Variants in MPG observed in about 807,000 individuals in gnomAD.
MPG encodes DNA-3-methyladenine glycosylase.
Under a neutral mutation model 31.7 loss-of-function variants are expected in MPG, and 33 were observed. The observed-to-expected ratio is 1.04, with a 90% CI of 0.79 to 1.39. The LOEUF (loss-of-function observed/expected upper bound fraction) is 1.39, where lower values mean the gene tolerates loss of function less well. Among genes scored for constraint, MPG ranks in the 40% most tolerant of loss-of-function variants. The pLI, the probability that MPG is intolerant of heterozygous loss-of-function variation, is 0.00. For missense variants in MPG, 455 were observed against 415.5 expected, an observed-to-expected ratio of 1.10 and a Z score of -0.83; for synonymous variants, 202 against 169.2, an observed-to-expected ratio of 1.19 and a Z score of -1.51.
At chr16:81,476 C>T (rs1898233443) in intron 2 of MPG, among the ~76,000 whole-genome samples, 1 of 152,186 alleles carries the variant, frequency 6.6e-6, no homozygotes, top group South Asian at 2.1e-4. Flanking sequence ...CAGGGCCACC[C>T]TTTCTCCCCT....
chr16:79,679 G>A lies in MPG; in HGVS notation c.279G>A (p.Leu93=). Residue 93 remains leucine, a synonymous_variant, in exon 2 of 4, where the codon CTG becomes CTA. Coordinates refer to ENST00000356432, the MANE Select transcript of MPG (RefSeq NM_001015052.3). ...TCTTCGACCAGCCGGCAGTCCCCCT[G>A]GCCCGGGCATTTCTGGGACAGGTAA... is the stretch of plus-strand genomic sequence containing the variant. The part of the protein sequence containing the change: ...LEFFDQPAVP[L]ARAFLGQVLV... The A allele has an allele frequency of 6.4e-7, 1 of 1,563,034 alleles. No individual in the cohort carries two copies. The highest frequency in any genetic ancestry group is 2.4e-5 in the East Asian group (1 of 41,900).
intron 2 of MPG, among the ~76,000 whole-genome samples, chr16:82,256 GC>G (rs1285378884): frequency 6.7e-6 from 1 of 150,360 alleles, no homozygotes; most frequent in African/African-American, 2.4e-5. Context: ...TGCTCCCCCG[GC>G]GAGCATCTAA....
chr16:78,936 G>A (rs893344370), intron 1 of MPG, among the ~76,000 whole-genome samples: 1 of 152,216 alleles, frequency 6.6e-6, no homozygotes, highest in African/African-American at 2.4e-5. Context: ...TGAGCACGCG[G>A]TGGTCACCCC....
chr16:78,251 C>A lies in MPG; in HGVS notation c.-59C>A. 1.5e-6 allele frequency: 2 copies of A among 1,362,660 alleles called. No homozygotes were observed. Among genetic ancestry groups the A allele is most frequent in the Non-Finnish European group, 1.9e-6 (2 of 1,052,576 alleles). 84.4% of individuals were successfully genotyped at this position (1,362,660 alleles called of 1,614,324 possible). On this transcript the variant is annotated 5_prime_UTR_variant, in exon 1 of 4. Transcript: ENST00000356432. ...GTCCTAGGGGTGCTTCCGTGGTCGG[C>A]GGCTGCTGGGCTCCGCGCCGGGGTC...
intron 2 of MPG, among the ~76,000 whole-genome samples, chr16:80,830 T>C (rs948954747): frequency 4.6e-5 from 7 of 151,950 alleles, no homozygotes; most frequent in Non-Finnish European, 1.0e-4. Context: ...AAAAATACAA[T>C]GGGCATTTGT....
chr16:79,424 G>T lies in MPG; in HGVS notation c.25-1G>T, dbSNP rs146600185. On this transcript the variant is annotated splice_acceptor_variant, in intron 1 of 3. Transcript: ENST00000356432. LOFTEE classifies it high-confidence loss of function. ...CTTATTTATTTTTTTTCCCATTACA[G>T]TTTTGCCGACGGATGGGGCAAAAGA... 6.9e-4 allele frequency: 1,114 copies of T among 1,613,386 alleles called. 6 individuals are homozygous for T. Among genetic ancestry groups the T allele is most frequent in the Non-Finnish European group, 3.8e-4 (447 of 1,179,982 alleles).
In MPG at chr16:84,057, G is replaced by A. The variant is rs189026624; in HGVS notation, c.505+801G>A. ...GTTCTGTGTGAAGGAGCCAGGGCAC[G>A]GGGCTGTGGTGATGAGGGCGGCCAG... On this transcript the variant is annotated intron_variant, in intron 3 of 3. Transcript: ENST00000356432. 1.5e-3 allele frequency among the ~76,000 whole-genome samples: 229 copies of A among 152,264 alleles called. 2 individuals are homozygous for A. Among genetic ancestry groups the A allele is most frequent in the Admixed American group, 0.014 (213 of 15,302 alleles).
upstream of MPG, among the ~76,000 whole-genome samples, chr16:77,561 G>T (rs970044235): frequency 6.6e-6 from 1 of 152,240 alleles, no homozygotes; most frequent in Non-Finnish European, 1.5e-5. Context: ...GCTCCAGCAG[G>T]CCCAACCCAG....
In MPG at chr16:79,702, T is replaced by TAATGTGAAC. The variant is rs1356310735; in HGVS notation, c.300+4_300+12dup. 6.4e-7 allele frequency: 1 copy of TAATGTGAAC among 1,554,636 alleles called. No homozygotes were observed. The highest frequency in any genetic ancestry group is 8.7e-7 in the Non-Finnish European group (1 of 1,147,556). ...CTGGCCCGGGCATTTCTGGGACAGG[T>TAATGTGAAC]AATGTGAACATAGCAGCGAGGGCCC... On this transcript the variant is annotated splice_region_variant and intron_variant, in intron 2 of 3. Transcript: ENST00000356432.
intron 1 of MPG, chr16:79,006 T>A (rs1028129151): frequency 1.4e-6 from 2 of 1,400,276 alleles, no homozygotes; most frequent in Admixed American, 3.0e-5. Context: ...TGTTTTGAAT[T>A]CTGGCAAGGG....
chr16:78,139 G>A (rs566660314), upstream of MPG: 7 of 435,266 alleles, frequency 1.6e-5, no homozygotes, highest in Admixed American at 9.9e-5. Flanking sequence ...GGCCCGCCCC[G>A]CCCCGGGGGC....
Position 79,996 on chromosome 16 carries a change from G to A in MPG, c.300+296G>A, listed in dbSNP as rs536282245. On this transcript the variant is annotated intron_variant, in intron 2 of 3. Coordinates refer to ENST00000356432, the MANE Select transcript of MPG (RefSeq NM_001015052.3). ...ACTTGCACCGTTAGCCTTCCTCACCGGCAATCCACCTCAGTTTTTCCACAC... is the reference window on the plus strand; with the variant it reads ...ACTTGCACCGTTAGCCTTCCTCACCAGCAATCCACCTCAGTTTTTCCACAC... 2.6e-5 allele frequency among the ~76,000 whole-genome samples: 4 copies of A among 152,364 alleles called. No individual in the cohort carries two copies. The South Asian group carries it at 6.2e-4, about 24-fold the overall frequency.
chr16:78,287 G>A lies in MPG; in HGVS notation c.-23G>A. On this transcript the variant is annotated 5_prime_UTR_variant, in exon 1 of 4. Transcript: ENST00000356432. ...CTCCGCGCCGGGGTCCGAGTCCCACGAAGCCCCGGCCCGAGCCGCCGGATG... is the reference window on the plus strand; with the variant it reads ...CTCCGCGCCGGGGTCCGAGTCCCACAAAGCCCCGGCCCGAGCCGCCGGATG... The A allele has an allele frequency of 7.3e-7, 1 of 1,368,006 alleles. No individual in the cohort carries two copies. Among genetic ancestry groups the A allele is most frequent in the Non-Finnish European group, 9.5e-7 (1 of 1,056,530 alleles). The allele number at this position is 1,368,006 out of a possible 1,614,324, so 84.7% of individuals were successfully genotyped here.
chr16:79,277 C>G lies in MPG; in HGVS notation c.25-148C>G, dbSNP rs754277305. On this transcript the variant is annotated intron_variant, in intron 1 of 3. Coordinates refer to ENST00000356432, the MANE Select transcript of MPG (RefSeq NM_001015052.3). ...CGAGTGTGTCAGGGTGTTTGTGCCT[C>G]ATAACAACCCACAGGATGGTCACCC... 7.6e-6 allele frequency: 12 copies of G among 1,568,666 alleles called. No individual in the cohort carries two copies. In the African/African-American group the frequency reaches 1.5e-4, roughly 20 times the overall value.
intron 3 of MPG, chr16:83,569 T>C (rs1469149959): frequency 7.8e-6 from 2 of 257,402 alleles, no homozygotes; most frequent in Non-Finnish European, 1.5e-5. Flanking sequence ...GGTGAAACTC[T>C]GTCTCTACCA....
chr16:85,743 TC>T lies in MPG; in HGVS notation c.849del (p.Asp284ThrfsTer21). On this transcript the variant is annotated frameshift_variant, in exon 4 of 4. Transcript: ENST00000356432. LOFTEE classifies it high-confidence loss of function. ...YVRGSPWVSV[V>X]DRVAEQDTQA Reference sequence around the variant, plus strand: ...CGGGGCAGCCCCTGGGTCAGTGTGGTCGACAGAGTGGCTGAGCAGGACACAC... The same window carrying T: ...CGGGGCAGCCCCTGGGTCAGTGTGGTGACAGAGTGGCTGAGCAGGACACAC... 1.3e-6 allele frequency: 2 copies of T among 1,514,590 alleles called. No individual in the cohort carries two copies. Among genetic ancestry groups the T allele is most frequent in the Non-Finnish European group, 1.8e-6 (2 of 1,130,512 alleles). 93.8% of individuals were successfully genotyped at this position (1,514,590 alleles called of 1,614,324 possible). A position where few individuals can be genotyped will look rare whatever the true frequency, so the allele number is the denominator to read the frequency against.
In MPG at chr16:83,178, G is replaced by A. The variant is rs1001945021; in HGVS notation, c.427G>A (p.Gly143Ser). 2.5e-6 allele frequency: 4 copies of A among 1,613,218 alleles called. No individual in the cohort carries two copies. The highest frequency in any genetic ancestry group is 3.4e-6 in the Non-Finnish European group (4 of 1,179,964). ...TGGCCGGCAGACCCCCCGCAACCGA[G>A]GCATGTTCATGAAGCCGGGGACCCT... ...RGGRQTPRNR[G>S]MFMKPGTLYV... The change falls in exon 3 of 4, where the codon GGC becomes AGC. Residue 143 changes from glycine (G) to serine (S), a missense_variant. Transcript: ENST00000356432.
chr16:79,074 G>C, intron 1 of MPG: 3 of 1,438,834 alleles, frequency 2.1e-6, no homozygotes, highest in Non-Finnish European at 2.7e-6. Flanking sequence ...GGACCTGCAT[G>C]ATGAGTGGGA....
At chr16:78,760 C>T (rs1320586974) in intron 1 of MPG, among the ~76,000 whole-genome samples, 2 of 152,224 alleles carry the variant, frequency 1.3e-5, no homozygotes, top group African/African-American at 4.8e-5. Context: ...CCAGGACAGC[C>T]GAGGATGTGT....
Sources: allele counts gnomAD v4.1 joint callset (sites outside exome capture counted in the v4.1 genomes callset), GRCh38; gene constraint gnomAD v4.1.1; transcripts MANE v1.5; gene names NCBI Gene and HGNC (gene_info 2026-07-23, HGNC 2026-07-21).